The following CES3 variants were observed in gnomAD, a reference collection of about 807,000 sequenced individuals.
CES3 encodes the protein carboxylesterase 3 (brain).
A neutral mutation model predicts 57.6 loss-of-function variants in CES3; 49 were observed. The observed-to-expected ratio is 0.85, with a 90% CI of 0.68 to 1.08. The LOEUF (loss-of-function observed/expected upper bound fraction) is 1.08. Among genes scored for constraint, CES3 ranks in the 50% least tolerant of loss-of-function variants. The pLI, the probability that CES3 is intolerant of heterozygous loss-of-function variation, is 0.00. For synonymous variants in CES3, 266 were observed against 281.6 expected (o/e 0.94, Z 0.55); for missense variants, 645 against 742.0 (o/e 0.87, Z 1.52).
At chr16:66,961,876 T>G (rs994822642) in intron 1 of CES3, among the ~76,000 whole-genome samples, 1 of 152,154 alleles carries the variant, frequency 6.6e-6, no homozygotes, top group Non-Finnish European at 1.5e-5. Flanking sequence ...TCTTTATGTC[T>G]TAAGGGGGCC....
At chr16:66,968,766 T>G (rs572722915) in intron 8 of CES3, among the ~76,000 whole-genome samples, 110 of 151,834 alleles carry the variant, frequency 7.2e-4, no homozygotes, top group African/African-American at 2.5e-3. Flanking sequence ...ATACAAAAAT[T>G]AGCTGGGCGT....
At chr16:66,965,553 G>A (rs1963717674) in intron 6 of CES3, among the ~76,000 whole-genome samples, 1 of 152,174 alleles carries the variant, frequency 6.6e-6, no homozygotes, top group Non-Finnish European at 1.5e-5. Flanking sequence ...TGGAACCTCT[G>A]CGTGGGCATG....
rs759482552 is a variant in CES3 at position 66,963,781 on chromosome 16, G to A, written c.427-21G>A. On this transcript the variant is annotated intron_variant, in intron 3 of 12. Coordinates refer to ENST00000303334, the MANE Select transcript of CES3 (RefSeq NM_024922.6). This position sits in a 1 kb window ranked among gnomAD's most constrained non-coding sequence, Gnocchi z 4.9. ...AGGTCTCAGGAGCTTGGGGGTCAGT[G>A]CCCCATGGCCACCTCTGCAGGTCAT... The A allele has an allele frequency of 2.5e-6, 4 of 1,609,604 alleles. No homozygotes were observed. The African/African-American group carries it at 5.3e-5, about 21-fold the overall frequency.
rs1004510583 is a variant in CES3 at position 66,974,426 on chromosome 16, T to G, written c.*1377T>G. 6.6e-6 allele frequency: 1 copy of G among 152,390 alleles called. No homozygotes were observed. 9.4% of individuals were successfully genotyped at this position (152,390 alleles called of 1,614,324 possible). A position where few individuals can be genotyped will look rare whatever the true frequency, so the allele number is the denominator to read the frequency against. ...CCTTAGCACCTGGGCCAGCAGCTGC[T>G]GTGCTCGATTTCTCGCTGGGCCTTA... On this transcript the variant is annotated 3_prime_UTR_variant, in exon 13 of 13. Transcript: ENST00000303334.
intron 6 of CES3, among the ~76,000 whole-genome samples, chr16:66,965,796 C>T (rs940868293): frequency 3.3e-5 from 5 of 152,138 alleles, no homozygotes; most frequent in African/African-American, 7.2e-5. Flanking sequence ...AAAAATTAGC[C>T]GGGCATGGTG....
intron 8 of CES3, among the ~76,000 whole-genome samples, chr16:66,969,250 A>G (rs1308559428): frequency 1.3e-5 from 2 of 152,126 alleles, no homozygotes; most frequent in African/African-American, 4.8e-5. Flanking sequence ...TACTAAAAAT[A>G]CAAAAATTAG....
intron 9 of CES3, 93 bp from the exon 10 acceptor site, chr16:66,971,079 G>C: frequency 1.4e-6 from 2 of 1,413,106 alleles, no homozygotes; most frequent in Non-Finnish European, 1.9e-6. Context: ...CCTGGGATTT[G>C]AGGGAAGCTA....
rs61743167 is a variant in CES3, at chr16:66,969,715, C to T, written c.1099C>T (p.Arg367Trp). The change falls in exon 9 of 13, where the codon CGG (arginine) becomes TGG (tryptophan). Residue 367 changes from arginine to tryptophan, a missense_variant. By Grantham distance (101) the Arg-to-Trp change is moderately radical. Coordinates refer to ENST00000303334, the MANE Select transcript of CES3 (RefSeq NM_024922.6). ...CCTGGATACAATGGAGCAGATGAGCCGGGAGGACATGCTGGCCATCTCAAC... is the reference window on the plus strand; with the variant it reads ...CCTGGATACAATGGAGCAGATGAGCTGGGAGGACATGCTGGCCATCTCAAC... ...GLLDTMEQMS[R>W]EDMLAISTPV... 33,616 of 1,613,212 alleles carry T rather than the reference C, an allele frequency of 0.021. 431 individuals carry two copies. The highest frequency in any genetic ancestry group is 0.023 in the Non-Finnish European group (27,460 of 1,179,656).
chr16:66,971,448 C>A (rs1963832303), intron 10 of CES3, 129 bp downstream of exon 10: 7 of 861,430 alleles, frequency 8.1e-6, no homozygotes, highest in Non-Finnish European at 1.3e-5. Context: ...CACTGCCCCC[C>A]ACCAAACCTA....
Position 66,963,528 on chromosome 16 carries a change from T to C in CES3, c.325T>C (p.Phe109Leu). The C allele has an allele frequency of 6.2e-7, 1 of 1,614,132 alleles. No individual in the cohort carries two copies. Among genetic ancestry groups the C allele is most frequent in the Non-Finnish European group, 8.5e-7 (1 of 1,179,990 alleles). ...CGTGGAGAGCATGAACAGCAGCAGA[T>C]TTGTCCTCAACGGAAAACAGCAGAT... ...QDVESMNSSR[F>L]VLNGKQQIFS... is the part of the protein sequence containing the mutation. Residue 109 changes from phenylalanine to leucine, a missense_variant, in exon 3 of 13, where the codon TTT becomes CTT. Physicochemically the swap from Phe to Leu is conservative, Grantham distance 22. Coordinates refer to ENST00000303334, the MANE Select transcript of CES3 (RefSeq NM_024922.6). This position sits in a 1 kb window ranked among gnomAD's most constrained non-coding sequence, Gnocchi z 4.9.
intron 6 of CES3, among the ~76,000 whole-genome samples, chr16:66,965,926 C>T (rs1034354070): frequency 2.0e-5 from 3 of 152,036 alleles, no homozygotes; most frequent in South Asian, 4.2e-4. Flanking sequence ...GGCGACAGAG[C>T]GAGAGTCTGT....
At position 66,963,450 on chromosome 16, in the gene CES3, G is replaced by A. The variant is rs1204298759; in HGVS notation, c.288-41G>A. ...GGAGAATCCTGCTGCTGGGGCTTGT[G>A]GGGCTGAACAGCTGGACCTCAGGCC... On this transcript the variant is annotated intron_variant, in intron 2 of 12. Transcript: ENST00000303334. This position sits in a 1 kb window ranked among gnomAD's most constrained non-coding sequence, Gnocchi z 4.9. 6.2e-7 allele frequency: 1 copy of A among 1,608,922 alleles called. No homozygotes were observed. Among genetic ancestry groups the A allele is most frequent in the African/African-American group, 1.3e-5 (1 of 74,834 alleles).
chr16:66,969,807 C>T, intron 9 of CES3, 48 bp downstream of exon 9: 2 of 1,521,150 alleles, frequency 1.3e-6, no homozygotes, highest in Non-Finnish European at 9.0e-7. Context: ...AGGGAGGAAG[C>T]TAGTGGGTAT....
In CES3 at chr16:66,972,735, T is replaced by C; in HGVS notation, c.1509T>C (p.Phe503=). ...SLTMMAQWTH[F]ARTGDPNSKA... is the part of the protein sequence containing the mutation. ...CCATGATGGCCCAGTGGACCCACTT[T>C]GCCCGGACAGGGTGAGTGAGTGACA... Residue 503 remains phenylalanine, a synonymous_variant, in exon 12 of 13, where the codon TTT becomes TTC. Transcript: ENST00000303334. 1 of 1,614,190 alleles carries C rather than the reference T, an allele frequency of 6.2e-7. No homozygotes were observed. The highest frequency in any genetic ancestry group is 8.5e-7 in the Non-Finnish European group (1 of 1,180,024).
Position 66,971,447 on chromosome 16 carries a change from C to T in CES3, c.1291+128C>T, listed in dbSNP as rs755183293. Reference sequence around the variant, plus strand: ...CTTGCACCCCACACCCCACTGCCCCCCACCAAACCTATCTTTCTCTGGGAT... The same window carrying T: ...CTTGCACCCCACACCCCACTGCCCCTCACCAAACCTATCTTTCTCTGGGAT... On this transcript the variant is annotated intron_variant, in intron 10 of 12. Transcript: ENST00000303334. 7.4e-5 allele frequency: 64 copies of T among 862,340 alleles called. 1 individual carries two copies. The highest frequency in any genetic ancestry group is 1.0e-4 in the Admixed American group (4 of 38,458). 53.4% of individuals were successfully genotyped at this position (862,340 alleles called of 1,614,324 possible).
rs1963905893 is a variant in CES3 at position 66,974,605 on chromosome 16, G to A, written c.*1556G>A. ...GTCCCATCGACCACCCAAGGGCTGA[G>A]GAGTGCGGGTGCACAGCGCGGGACT... On this transcript the variant is annotated 3_prime_UTR_variant, in exon 13 of 13. Coordinates refer to ENST00000303334, the MANE Select transcript of CES3 (RefSeq NM_024922.6). 6.2e-6 allele frequency: 1 copy of A among 162,212 alleles called. No individual in the cohort carries two copies. Among genetic ancestry groups the A allele is most frequent in the African/African-American group, 2.4e-5 (1 of 41,506 alleles). 10.0% of individuals were successfully genotyped at this position (162,212 alleles called of 1,614,324 possible). A position where few individuals can be genotyped will look rare whatever the true frequency, so the allele number is the denominator to read the frequency against.
chr16:66,967,858 C>A, intron 8 of CES3: 2 of 668,846 alleles, frequency 3.0e-6, no homozygotes, highest in Non-Finnish European at 3.7e-6. Context: ...ACCTCTCAGG[C>A]CCGAGCAATC....
Position 66,973,052 on chromosome 16 carries a change from C to T in CES3, c.*3C>T, listed in dbSNP as rs1033781081. On this transcript the variant is annotated 3_prime_UTR_variant, in exon 13 of 13. Transcript: ENST00000303334. ...GGAAGGCCCAGGAGGACCTCTGAGG[C>T]CAGGCCTGAACCTTCTTGGCTGGGG... 3 of 1,612,564 alleles carry T rather than the reference C, an allele frequency of 1.9e-6. No individual in the cohort carries two copies. The highest frequency in any genetic ancestry group is 2.7e-5 in the African/African-American group (2 of 74,900).
intron 1 of CES3, among the ~76,000 whole-genome samples, chr16:66,962,317 C>T (rs935130418): frequency 2.6e-5 from 4 of 152,236 alleles, no homozygotes; most frequent in Admixed American, 2.6e-4. Context: ...CCCCAGAGAG[C>T]TGCCTCCTAT....
Sources: gnomAD v4.1 joint callset for allele counts (sites outside exome capture counted in the v4.1 genomes callset) on GRCh38, gnomAD v4.1.1 for gene constraint, Gnocchi (gnomAD v3.1) non-coding constraint, MANE v1.5 for transcripts, NCBI Gene and HGNC (gene_info 2026-07-23, HGNC 2026-07-21) for gene names.